Variants in SEMA5A observed in about 807,000 individuals in gnomAD.
SEMA5A encodes the protein semaphorin 5A, also known as semaphorin-5A.
SEMA5A carries 55 observed loss-of-function variants against 135.5 expected under a neutral mutation model. That is an observed-to-expected ratio of 0.41 (90% CI 0.33 to 0.51). SEMA5A has a LOEUF of 0.51. Ranked by LOEUF, SEMA5A falls within the 20% of genes least tolerant of loss-of-function variation. The pLI, the probability that SEMA5A is intolerant of heterozygous loss-of-function variation, is 0.37. For synonymous variants in SEMA5A, 580 were observed against 546.5 expected (o/e 1.06, Z -0.85); for missense variants, 1,290 against 1,419.9 (o/e 0.91, Z 1.47).
At chr5:9,202,905 A>C (rs998178954) in intron 8 of SEMA5A, among the ~76,000 whole-genome samples, 4 of 152,144 alleles carry the variant, frequency 2.6e-5, no homozygotes, top group African/African-American at 9.7e-5. Flanking sequence ...CATTTAGAGG[A>C]GGGAAGAGTA....
At chr5:9,182,190 T>G (rs1425530389) in intron 11 of SEMA5A, among the ~76,000 whole-genome samples, 1 of 138,688 alleles carries the variant, frequency 7.2e-6, no homozygotes, top group Non-Finnish European at 1.5e-5. Flanking sequence ...GAGGACAGGG[T>G]GTCTGTCTGT....
At chr5:9,453,989 A>G (rs1478498080) in intron 1 of SEMA5A, among the ~76,000 whole-genome samples, 4 of 152,238 alleles carry the variant, frequency 2.6e-5, no homozygotes, top group Non-Finnish European at 5.9e-5. Flanking sequence ...TCCTGAAAGC[A>G]AAGTACTAGC....
chr5:9,459,964 T>C (rs1758994575), intron 1 of SEMA5A, among the ~76,000 whole-genome samples: 1 of 152,190 alleles, frequency 6.6e-6, no homozygotes. Context: ...TCTGCAGTGG[T>C]TCTAAAGAAA....
intron 2 of SEMA5A, among the ~76,000 whole-genome samples, chr5:9,396,246 G>GCACA (rs147262677): frequency 0.085 from 12,595 of 148,870 alleles, 618 homozygotes; most frequent in African/African-American, 0.13. Flanking sequence ...GCGCGTGCGT[G>GCACA]CACACACACA....
chr5:9,465,696 G>C (rs1336589276), intron 1 of SEMA5A, among the ~76,000 whole-genome samples: 2 of 152,230 alleles, frequency 1.3e-5, no homozygotes, highest in African/African-American at 4.8e-5. Flanking sequence ...TCAGAGACTT[G>C]AGCATCCACA....
In SEMA5A at chr5:9,397,547, C is replaced by G. The variant is rs770316247; in HGVS notation, c.-77-17524G>C. 7.2e-5 allele frequency among the ~76,000 whole-genome samples: 11 copies of G among 152,300 alleles called. No individual in the cohort carries two copies. In the South Asian group the frequency reaches 2.3e-3, roughly 32 times the overall value. On this transcript the variant is annotated intron_variant, in intron 2 of 22. Transcript: ENST00000382496. ...AGGTCTTTAAGGTTATAATGAACAT[C>G]TGGAGAAAAACACACCCAATCATTA...
At chr5:9,293,360 A>T (rs1751181550) in intron 5 of SEMA5A, among the ~76,000 whole-genome samples, 1 of 152,286 alleles carries the variant, frequency 6.6e-6, no homozygotes, top group South Asian at 2.1e-4. Context: ...AGTGTCTTTT[A>T]CTTCTTAAGG....
At chr5:9,227,094 C>T in intron 6 of SEMA5A, 127 bp from the exon 7 acceptor site, 1 of 376,708 alleles carries the variant, frequency 2.7e-6, no homozygotes, top group Non-Finnish European at 4.4e-6. Flanking sequence ...ATATGTAAGC[C>T]ATTAATAAAA....
intron 11 of SEMA5A, among the ~76,000 whole-genome samples, chr5:9,163,355 A>G (rs1177756586): frequency 6.6e-6 from 1 of 152,242 alleles, no homozygotes. Flanking sequence ...TTTGCTATAT[A>G]TAATGTAGAC....
At position 9,262,801 on chromosome 5, in the gene SEMA5A, A is replaced by G. The variant is rs200934787; in HGVS notation, c.271-24911T>C. On this transcript the variant is annotated intron_variant, in intron 5 of 22. Coordinates refer to ENST00000382496, the MANE Select transcript of SEMA5A (RefSeq NM_003966.3). ...TGGGAGATATACCTAATGCTAGATG[A>G]CACGTTAGTGGGTGCAGCGCACCAG... Among the ~76,000 whole-genome samples, 6 of 120,776 alleles carry G rather than the reference A, an allele frequency of 5.0e-5. No individual in the cohort carries two copies. In the East Asian group the frequency reaches 1.5e-3, roughly 30 times the overall value. 79.2% of individuals were successfully genotyped at this position (120,776 alleles called of 152,430 possible). A position where few individuals can be genotyped will look rare whatever the true frequency, so the allele number is the denominator to read the frequency against.
chr5:9,478,169 T>G (rs762632970), intron 1 of SEMA5A, among the ~76,000 whole-genome samples: 4 of 152,150 alleles, frequency 2.6e-5, no homozygotes, highest in Non-Finnish European at 5.9e-5. Context: ...AAAACAAGAG[T>G]TGAGCTTTGA....
At position 9,204,644 on chromosome 5, in the gene SEMA5A, A is replaced by T. The variant is rs1461024691; in HGVS notation, c.647-2404T>A. 6.6e-6 allele frequency among the ~76,000 whole-genome samples: 1 copy of T among 152,184 alleles called. No individual in the cohort carries two copies. Among genetic ancestry groups the T allele is most frequent in the Non-Finnish European group, 1.5e-5 (1 of 68,038 alleles). The stretch of plus-strand genomic sequence containing the variant: ...CAGATGAGGACACTAAAGCCCAGAG[A>T]TTTAATAACTTGTCCAAATTCACAT... On this transcript the variant is annotated intron_variant, in intron 8 of 22. Transcript: ENST00000382496. This position sits in a 1 kb window ranked among gnomAD's most constrained non-coding sequence, Gnocchi z 6.4.
At chr5:9,205,896 G>A (rs964197510) in intron 8 of SEMA5A, among the ~76,000 whole-genome samples, 4 of 152,116 alleles carry the variant, frequency 2.6e-5, no homozygotes, top group Non-Finnish European at 4.4e-5. Flanking sequence ...CTTGAAATTC[G>A]GCTAGCATCC....
At chr5:9,366,147 T>C (rs1434562965) in intron 3 of SEMA5A, among the ~76,000 whole-genome samples, 1 of 152,204 alleles carries the variant, frequency 6.6e-6, no homozygotes, top group African/African-American at 2.4e-5. Context: ...AAAACATGTA[T>C]GTTAATATTT....
At chr5:9,317,039 G>T (rs1448349844) in intron 5 of SEMA5A, among the ~76,000 whole-genome samples, 1 of 152,098 alleles carries the variant, frequency 6.6e-6, no homozygotes, top group East Asian at 1.9e-4. Flanking sequence ...ACACATAAGT[G>T]AGATCTTGCA....
intron 3 of SEMA5A, among the ~76,000 whole-genome samples, chr5:9,347,678 G>C (rs1260246823): frequency 6.6e-6 from 1 of 152,164 alleles, no homozygotes; most frequent in African/African-American, 2.4e-5. Context: ...GTGAGGGCAG[G>C]AGCAGGGACC....
intron 1 of SEMA5A, among the ~76,000 whole-genome samples, chr5:9,533,008 C>A (rs1737543442): frequency 6.6e-6 from 1 of 152,200 alleles, no homozygotes; most frequent in Admixed American, 6.5e-5. Flanking sequence ...AGCCTCCAAC[C>A]CCCATGCTTA....
chr5:9,216,286 C>A (rs1279685498), intron 8 of SEMA5A, among the ~76,000 whole-genome samples: 1 of 152,106 alleles, frequency 6.6e-6, no homozygotes, highest in East Asian at 1.9e-4. Flanking sequence ...CATGTAGTTA[C>A]ATGGTTTTTT....
At chr5:9,157,372 G>A (rs1192688422) in intron 11 of SEMA5A, among the ~76,000 whole-genome samples, 1 of 152,202 alleles carries the variant, frequency 6.6e-6, no homozygotes, top group Non-Finnish European at 1.5e-5. Flanking sequence ...TCAACCGTTA[G>A]GGACTGGAGA....
Sources: allele counts gnomAD v4.1 joint callset (sites outside exome capture counted in the v4.1 genomes callset), GRCh38; gene constraint gnomAD v4.1.1; non-coding constraint Gnocchi (gnomAD v3.1); transcripts MANE v1.5; gene names NCBI Gene and HGNC (gene_info 2026-07-23, HGNC 2026-07-21).